MX2: variants seen among roughly 807,000 people sequenced by gnomAD.
The protein encoded by MX2 is MX dynamin like GTPase 2, also known as interferon-induced GTP-binding protein Mx2.
A neutral mutation model predicts 74.0 loss-of-function variants in MX2; 51 were observed. That is an observed-to-expected ratio of 0.69 (90% CI 0.55 to 0.87). MX2 has a LOEUF of 0.87. Ranked by LOEUF, MX2 falls within the 40% of genes least tolerant of loss-of-function variation. The probability of loss-of-function intolerance (pLI) is 0.00; values close to 1 mark genes in which losing one functional copy is unlikely to be tolerated. For synonymous variants in MX2, 369 were observed against 339.3 expected, an observed-to-expected ratio of 1.09 and a Z score of -0.96; for missense variants, 832 against 908.7, an observed-to-expected ratio of 0.92 and a Z score of 1.09.
rs1276086305 is a variant in MX2 at position 41,380,195 on chromosome 21, T to C, written c.577+44T>C. The C allele has an allele frequency of 8.7e-6, 14 of 1,610,856 alleles. No individual in the cohort carries two copies. In the Admixed American group the frequency reaches 2.2e-4, roughly 25 times the overall value. ...GAGGTTCGGATCTGGCAGCCGCTCC[T>C]CTCACTTCCTCGGTTCCTTCTCCTC... On this transcript the variant is annotated intron_variant, in intron 4 of 13. Coordinates refer to ENST00000330714, the MANE Select transcript of MX2 (RefSeq NM_002463.2). This position sits in a 1 kb window ranked among gnomAD's most constrained non-coding sequence, Gnocchi z 4.3.
Position 41,406,956 on chromosome 21 carries a change from C to T in MX2, c.1863C>T (p.Ser621=). The T allele has an allele frequency of 6.2e-7, 1 of 1,613,820 alleles. No homozygotes were observed. Among genetic ancestry groups the T allele is most frequent in the Non-Finnish European group, 8.5e-7 (1 of 1,179,732 alleles). Residue 621 remains serine, a synonymous_variant, in exon 13 of 14, where the codon TCC becomes TCT. Coordinates refer to ENST00000330714, the MANE Select transcript of MX2 (RefSeq NM_002463.2). ...SHFPSNESSV[S]SFTEIGIHLN... is the part of the protein sequence containing the mutation. ...TTCCCAGTAATGAGTCTTCGGTTTC[C>T]TCCTTTACTGAAATAGGCATCCACC... is the stretch of plus-strand genomic sequence containing the variant.
intron 7 of MX2, 134 bp downstream of exon 7, chr21:41,395,919 G>A (rs1449179108): frequency 9.6e-6 from 8 of 833,306 alleles, no homozygotes. Context: ...CCTGATTTTT[G>A]TGCTAGATTT....
intron 1 of MX2, among the ~76,000 whole-genome samples, chr21:41,374,727 A>G (rs535092179): frequency 1.3e-4 from 20 of 152,320 alleles, no homozygotes; most frequent in African/African-American, 2.4e-5. Flanking sequence ...CTCTGGACGC[A>G]TGAGATTCAG....
At chr21:41,398,605 A>G (rs1366032516) in intron 8 of MX2, among the ~76,000 whole-genome samples, 1 of 152,232 alleles carries the variant, frequency 6.6e-6, no homozygotes, top group Admixed American at 6.5e-5. Flanking sequence ...AGACAAAAGC[A>G]ATGACTTACT....
chr21:41,376,937 C>T lies in MX2; in HGVS notation c.31C>T (p.Arg11Trp), dbSNP rs147479623. The change falls in exon 2 of 14, where the codon CGG becomes TGG. Residue 11 changes from arginine (R) to tryptophan (W), a missense_variant. Arg to Trp is a moderately radical substitution (Grantham distance 101, BLOSUM62 -3). Transcript: ENST00000330714. Reference protein sequence around the residue: MSKAHKPWPYRRRSQFSSRKY... With the variant: MSKAHKPWPYWRRSQFSSRKY... ...TAAGGCCCACAAGCCTTGGCCCTAC[C>T]GGAGGAGAAGTCAATTTTCTTCTCG... The T allele has an allele frequency of 1.1e-3, 1,751 of 1,613,906 alleles. 17 individuals are homozygous for T. The highest frequency in any genetic ancestry group is 5.0e-4 in the Middle Eastern group (3 of 6,060).
chr21:41,362,741 T>G (rs909077808), intron 1 of MX2, among the ~76,000 whole-genome samples: 31 of 102,378 alleles, frequency 3.0e-4, no homozygotes, highest in Non-Finnish European at 2.4e-4. Flanking sequence ...GATGACGCAG[T>G]TTTTTTTTCT....
intron 6 of MX2, 88 bp from the exon 7 acceptor site, chr21:41,395,499 C>CA: frequency 1.6e-6 from 2 of 1,283,178 alleles, no homozygotes; most frequent in Non-Finnish European, 1.1e-6. Flanking sequence ...CCTTGTTGGC[C>CA]AAAAAAGGAG....
At chr21:41,386,916 C>T (rs540175806) in intron 5 of MX2, among the ~76,000 whole-genome samples, 1 of 152,324 alleles carries the variant, frequency 6.6e-6, no homozygotes, top group African/African-American at 2.4e-5. Context: ...GCCCCTTCCT[C>T]ATCCCACTTT....
At chr21:41,375,843 A>G (rs1223892306) in intron 1 of MX2, among the ~76,000 whole-genome samples, 4 of 152,126 alleles carry the variant, frequency 2.6e-5, no homozygotes, top group Non-Finnish European at 5.9e-5. Context: ...ACTAGAGGAA[A>G]GGGGGATACA....
chr21:41,399,904 C>G (rs1690894565), intron 10 of MX2: 1 of 153,224 alleles, frequency 6.5e-6, no homozygotes. Context: ...GCATTCCATG[C>G]CCACCTGAGG....
At chr21:41,372,224 G>A (rs1032569080) in intron 1 of MX2, among the ~76,000 whole-genome samples, 1 of 152,110 alleles carries the variant, frequency 6.6e-6, no homozygotes, top group Non-Finnish European at 1.5e-5. Context: ...CACTTCCTGG[G>A]CCAATTCCAG....
chr21:41,390,795 G>A, intron 6 of MX2, 92 bp downstream of exon 6: 1 of 1,416,886 alleles, frequency 7.1e-7, no homozygotes, highest in Non-Finnish European at 9.7e-7. Context: ...CACGAGGTCA[G>A]GAGATTGAGA....
At chr21:41,406,459 T>A (rs367562) in intron 12 of MX2, among the ~76,000 whole-genome samples, 110,569 of 152,102 alleles carry the variant, frequency 0.73, 40,775 homozygotes, top group Non-Finnish European at 0.8. Context: ...CCTGTTCCTG[T>A]TGAAGGAGCA....
In MX2 at chr21:41,383,516, T is replaced by G. The variant is rs529600831; in HGVS notation, c.732+952T>G. Among the ~76,000 whole-genome samples, 148 of 152,336 alleles carry G rather than the reference T, an allele frequency of 9.7e-4. 1 individual carries two copies. The highest frequency in any genetic ancestry group is 1.8e-3 in the Non-Finnish European group (125 of 68,026). On this transcript the variant is annotated intron_variant, in intron 5 of 13. Transcript: ENST00000330714. ...TCATGCTTTGGCAAGCCAGCTCATGTGGAAATGAAGGAGACAGAGTCGATG... is the reference window on the plus strand; with the variant it reads ...TCATGCTTTGGCAAGCCAGCTCATGGGGAAATGAAGGAGACAGAGTCGATG...
chr21:41,397,707 T>C lies in MX2; in HGVS notation c.1149+16T>C. On this transcript the variant is annotated intron_variant, in intron 8 of 13. Transcript: ENST00000330714. Reference sequence around the variant, plus strand: ...GCATATCCAAGTGAGCCACGTGGGTTGGGTGACAAGTCATCAATACAGCAT... The same window carrying C: ...GCATATCCAAGTGAGCCACGTGGGTCGGGTGACAAGTCATCAATACAGCAT... 1 of 1,610,818 alleles carries C rather than the reference T, an allele frequency of 6.2e-7. No homozygotes were observed.
rs780114397 is a variant in MX2, at chr21:41,380,190, G to T, written c.577+39G>T. 2.0e-5 allele frequency: 33 copies of T among 1,611,618 alleles called. No homozygotes were observed. Among genetic ancestry groups the T allele is most frequent in the Non-Finnish European group, 2.5e-5 (29 of 1,178,544 alleles). ...ATTCTGAGGTTCGGATCTGGCAGCC[G>T]CTCCTCTCACTTCCTCGGTTCCTTC... On this transcript the variant is annotated intron_variant, in intron 4 of 13. Coordinates refer to ENST00000330714, the MANE Select transcript of MX2 (RefSeq NM_002463.2). The surrounding 1 kb of genome is among the most constrained non-coding windows in gnomAD (Gnocchi z 4.3).
chr21:41,398,938 C>A lies in MX2; in HGVS notation c.1191C>A (p.His397Gln). The change falls in exon 9 of 14, where the codon CAC becomes CAA. Residue 397 changes from histidine to glutamine, a missense_variant. Transcript: ENST00000330714. ...TAGAAGGACAAATAAGGGAGAGCCA[C>A]CAGAAGGCGACCGAGGAGCTGCGGC... ...PLLEGQIRES[H>Q]QKATEELRRC... The A allele has an allele frequency of 6.2e-7, 1 of 1,613,966 alleles. No individual in the cohort carries two copies. Among genetic ancestry groups the A allele is most frequent in the Non-Finnish European group, 8.5e-7 (1 of 1,179,896 alleles).
Position 41,378,202 on chromosome 21 carries a change from GCTGGGAGAGACAGGTCA to G in MX2, c.442+235_442+251del, listed in dbSNP as rs1379255082. On this transcript the variant is annotated intron_variant, in intron 3 of 13. Coordinates refer to ENST00000330714, the MANE Select transcript of MX2 (RefSeq NM_002463.2). ...GACAGGCTGCTGGGAGAGACACGTT[GCTGGGAGAGACAGGTCA>G]CTGGGAGAGACAGACCATTGGGAGA... 2.0e-5 allele frequency among the ~76,000 whole-genome samples: 3 copies of G among 151,074 alleles called. No homozygotes were observed. The East Asian group carries it at 5.9e-4, about 30-fold the overall frequency.
chr21:41,390,592 C>T lies in MX2; in HGVS notation c.760C>T (p.Gln254Ter), dbSNP rs778505836. Residue 254 changes from glutamine to a stop codon, truncating the protein, a stop_gained, in exon 6 of 14, where the codon CAG (glutamine) becomes TAG (stop). Transcript: ENST00000330714. LOFTEE classifies it high-confidence loss of function. ...CAAGGCTCTCATCAAGAAGTACATC[C>T]AGAGGCAGCAGACGATCAACTTGGT... ...QIKALIKKYI[Q>*]RQQTINLVVV... The T allele has an allele frequency of 6.2e-7, 1 of 1,614,194 alleles. No homozygotes were observed. The highest frequency in any genetic ancestry group is 1.7e-5 in the Admixed American group (1 of 60,026).
Sources: gnomAD v4.1 joint callset for allele counts (sites outside exome capture counted in the v4.1 genomes callset) on GRCh38, gnomAD v4.1.1 for gene constraint, Gnocchi (gnomAD v3.1) non-coding constraint, MANE v1.5 for transcripts, NCBI Gene and HGNC (gene_info 2026-07-23, HGNC 2026-07-21) for gene names.